HDAC7: variants seen among roughly 807,000 people sequenced by gnomAD.
The protein encoded by HDAC7 is histone deacetylase 7.
A neutral mutation model predicts 115.5 loss-of-function variants in HDAC7; 26 were observed. That is an observed-to-expected ratio of 0.23 (90% confidence interval 0.16 to 0.31). HDAC7 has a LOEUF of 0.31. HDAC7 is among the 10% of genes least tolerant of loss of function. The pLI, the probability that HDAC7 is intolerant of heterozygous loss-of-function variation, is 1.00. For missense variants in HDAC7, 1,068 were observed against 1,329.0 expected (o/e 0.80, Z 3.05); for synonymous variants, 564 against 550.9 (o/e 1.02, Z -0.33).
At chr12:47,811,676 C>T (rs1217855784) in intron 1 of HDAC7, among the ~76,000 whole-genome samples, 3 of 152,226 alleles carry the variant, frequency 2.0e-5, no homozygotes, top group African/African-American at 4.8e-5. Context: ...AGCATATATA[C>T]GTACATAGAC....
At chr12:47,801,069 T>C (rs1944142782) in intron 2 of HDAC7, among the ~76,000 whole-genome samples, 1 of 152,176 alleles carries the variant, frequency 6.6e-6, no homozygotes, top group African/African-American at 2.4e-5. Flanking sequence ...CATCCCTACA[T>C]TCTACTTTTC....
Position 47,799,071 on chromosome 12 carries a change from A to C in HDAC7, c.71-99T>G, listed in dbSNP as rs528699495. The C allele has an allele frequency of 1.0e-3, 823 of 805,910 alleles. 15 individuals carry two copies. In the South Asian group the frequency reaches 0.016, roughly 16 times the overall value. 49.9% of individuals were successfully genotyped at this position (805,910 alleles called of 1,614,324 possible). A position where few individuals can be genotyped will look rare whatever the true frequency, so the allele number is the denominator to read the frequency against. ...TCAGCCTCCCTCAGGCTCACTTGAC[A>C]ATGGCAAAACACTCTCATGGGGGTT... On this transcript the variant is annotated intron_variant, in intron 2 of 25. Transcript: ENST00000080059.
chr12:47,814,025 G>A (rs1025154441), intron 1 of HDAC7, among the ~76,000 whole-genome samples: 7 of 152,224 alleles, frequency 4.6e-5, no homozygotes, highest in African/African-American at 1.7e-4. Context: ...GGGGTGAAGC[G>A]TAGAGCTGCA....
Position 47,797,063 on chromosome 12 carries a change from C to A in HDAC7, c.657G>T (p.Glu219Asp). 1 of 1,604,436 alleles carries A rather than the reference C, an allele frequency of 6.2e-7. No individual in the cohort carries two copies. The highest frequency in any genetic ancestry group is 8.5e-7 in the Non-Finnish European group (1 of 1,175,876). The change falls in exon 7 of 26, where the codon GAG (glutamate) becomes GAT (aspartate). Residue 219 changes from glutamate to aspartate, a missense_variant. Coordinates refer to ENST00000080059, the MANE Select transcript of HDAC7 (RefSeq NM_015401.5). The surrounding 1 kb of genome is among the most constrained non-coding windows in gnomAD (Gnocchi z 5.5). ...GCCGCCGGAGGCTGGGGGGCGCACT[C>A]TCCTTTCGGAGCAGTGGATTCTTCC... Reference protein sequence around the residue: ...ERRKNPLLRKESAPPSLRRRP... With the variant: ...ERRKNPLLRKDSAPPSLRRRP...
chr12:47,792,086 C>T lies in HDAC7; in HGVS notation c.1679-82G>A, dbSNP rs1423709227. 3 of 1,465,902 alleles carry T rather than the reference C, an allele frequency of 2.0e-6. No homozygotes were observed. The East Asian group carries it at 7.3e-5, about 36-fold the overall frequency. The allele number at this position is 1,465,902 out of a possible 1,614,324, so 90.8% of individuals were successfully genotyped here. A position where few individuals can be genotyped will look rare whatever the true frequency, so the allele number is the denominator to read the frequency against. Reference sequence around the variant, plus strand: ...GGCTGCAGAGAACACGCCAGCACCGCCACAGCAGGCACCCACATGGAGCCG... The same window carrying T: ...GGCTGCAGAGAACACGCCAGCACCGTCACAGCAGGCACCCACATGGAGCCG... On this transcript the variant is annotated intron_variant, in intron 13 of 25. Coordinates refer to ENST00000080059, the MANE Select transcript of HDAC7 (RefSeq NM_015401.5).
chr12:47,802,274 T>C lies in HDAC7; in HGVS notation c.20A>G (p.Asp7Gly). The C allele has an allele frequency of 3.1e-6, 5 of 1,613,850 alleles. No individual in the cohort carries two copies. The highest frequency in any genetic ancestry group is 4.2e-6 in the Non-Finnish European group (5 of 1,179,886). The change falls in exon 2 of 26, where the codon GAT becomes GGT. Residue 7 changes from aspartate (D) to glycine (G), a missense_variant and splice_region_variant. Physicochemically the swap from Asp to Gly is moderately conservative, Grantham distance 94. Around this residue, in one of 6 missense-constraint regions of HDAC7, gnomAD observed 161 missense variants for 158.5 expected, o/e 1.02. Coordinates refer to ENST00000080059, the MANE Select transcript of HDAC7 (RefSeq NM_015401.5). ...GGCACCCGGGCTCACCTGGGTCCCA[T>C]CTGTAGAGAGAGAGACGGAGTGAAA... Reference protein sequence around the residue: MHSPGADGTQVSPGAHY... With the variant: MHSPGAGGTQVSPGAHY...
intron 2 of HDAC7, chr12:47,799,217 G>C: frequency 2.3e-6 from 1 of 443,720 alleles, no homozygotes; most frequent in Non-Finnish European, 3.9e-6. Flanking sequence ...GTGTTTGAAC[G>C]GAGTCTTCCG....
intron 1 of HDAC7, among the ~76,000 whole-genome samples, chr12:47,810,970 C>T (rs535139702): frequency 9.2e-5 from 14 of 152,112 alleles, no homozygotes; most frequent in Non-Finnish European, 1.3e-4. Context: ...GGAACACAGC[C>T]GCACGGCTAT....
At chr12:47,791,816 C>CCCCCCCAAAAA in intron 14 of HDAC7, 55 bp downstream of exon 14, 1 of 1,570,232 alleles carries the variant, frequency 6.4e-7, no homozygotes, top group Non-Finnish European at 8.7e-7. Flanking sequence ...CCACCCCTCC[C>CCCCCCCAAAAA]CTCCCATGAC....
chr12:47,785,257 G>T, intron 24 of HDAC7, 130 bp downstream of exon 24: 1 of 750,974 alleles, frequency 1.3e-6, no homozygotes, highest in Non-Finnish European at 2.2e-6. Flanking sequence ...TCACTCACAG[G>T]AATCTTACTC....
In HDAC7 at chr12:47,792,030, G is replaced by T. The variant is rs776412236; in HGVS notation, c.1679-26C>A. 9 of 1,581,676 alleles carry T rather than the reference G, an allele frequency of 5.7e-6. No individual in the cohort carries two copies. The East Asian group carries it at 6.8e-5, about 12-fold the overall frequency. ...CTGCAGGAGCAAGGGTCAGAGCGGG[G>T]ACCCAGGGAGTCCTCACGCCCCATG... is the stretch of plus-strand genomic sequence containing the variant. On this transcript the variant is annotated intron_variant, in intron 13 of 25. Coordinates refer to ENST00000080059, the MANE Select transcript of HDAC7 (RefSeq NM_015401.5).
intron 1 of HDAC7, among the ~76,000 whole-genome samples, chr12:47,807,961 C>T (rs1301424676): frequency 6.6e-6 from 1 of 152,210 alleles, no homozygotes; most frequent in East Asian, 1.9e-4. Context: ...CAAGCTGCAC[C>T]ATTTCTCTGT....
Position 47,791,854 on chromosome 12 carries a change from C to T in HDAC7, c.1812+17G>A. 6.2e-7 allele frequency: 1 copy of T among 1,609,488 alleles called. No homozygotes were observed. Among genetic ancestry groups the T allele is most frequent in the East Asian group, 2.2e-5 (1 of 44,724 alleles). ...CTCCCTCCACCCATTCCTCGGGCCC[C>T]ACCCGCGCCTCCTCACCTCACACTG... On this transcript the variant is annotated intron_variant, in intron 14 of 25. Transcript: ENST00000080059.
chr12:47,800,699 G>T lies in HDAC7; in HGVS notation c.70+1525C>A, dbSNP rs530468051. ...TTCCCGGGGTGACTCCCCTGATTAT[G>T]CAAGAGGGGCTTGGGGGAACCAAGG... On this transcript the variant is annotated intron_variant, in intron 2 of 25. Coordinates refer to ENST00000080059, the MANE Select transcript of HDAC7 (RefSeq NM_015401.5). Among the ~76,000 whole-genome samples the T allele has an allele frequency of 3.3e-5, 5 of 152,312 alleles. No individual in the cohort carries two copies. The South Asian group carries it at 8.3e-4, about 25-fold the overall frequency.
At chr12:47,817,716 C>T (rs1160432009) in intron 1 of HDAC7, 1 of 152,262 alleles carries the variant, frequency 6.6e-6, no homozygotes, top group Non-Finnish European at 1.5e-5. Flanking sequence ...TCTCTCAGGC[C>T]CCTGCCGACT....
At position 47,783,387 on chromosome 12, in the gene HDAC7, C is replaced by A. The variant is rs757342; in HGVS notation, c.*454G>T. 2.7e-5 allele frequency: 5 copies of A among 188,232 alleles called. No individual in the cohort carries two copies. The highest frequency in any genetic ancestry group is 1.3e-4 in the East Asian group (1 of 7,674). The allele number at this position is 188,232 out of a possible 1,614,324, so 11.7% of individuals were successfully genotyped here. ...GGGACCTCTTGGCTCCCCACTCCCC[C>A]CTAGCCCCTAGAGCCTAGGAAGGGC... On this transcript the variant is annotated 3_prime_UTR_variant, in exon 26 of 26. Transcript: ENST00000080059.
chr12:47,797,855 G>GGTGTAT lies in HDAC7; in HGVS notation c.461+252_461+253insATACAC, dbSNP rs1555141390. 8.1e-6 allele frequency among the ~76,000 whole-genome samples: 1 copy of GGTGTAT among 123,876 alleles called. No homozygotes were observed. Among genetic ancestry groups the GGTGTAT allele is most frequent in the Admixed American group, 8.0e-5 (1 of 12,438 alleles). The allele number at this position is 123,876 out of a possible 152,430, so 81.3% of individuals were successfully genotyped here. A position where few individuals can be genotyped will look rare whatever the true frequency, so the allele number is the denominator to read the frequency against. On this transcript the variant is annotated intron_variant, in intron 5 of 25. Coordinates refer to ENST00000080059, the MANE Select transcript of HDAC7 (RefSeq NM_015401.5). This position sits in a 1 kb window ranked among gnomAD's most constrained non-coding sequence, Gnocchi z 5.5. The stretch of plus-strand genomic sequence containing the variant: ...TCATGTGCAAGAAAAAAGCCAGTAG[G>GGTGTAT]GTGTGTGTGTGTGTGTGTGTGTGTG...
chr12:47,819,946 C>A (rs551077050), upstream of HDAC7: 1 of 129,854 alleles, frequency 7.7e-6, no homozygotes, highest in African/African-American at 2.9e-5. Context: ...CCCGGCCGGC[C>A]GGGTAGGATG....
intron 1 of HDAC7, among the ~76,000 whole-genome samples, chr12:47,811,266 G>A (rs980581955): frequency 4.6e-5 from 7 of 152,182 alleles, no homozygotes; most frequent in African/African-American, 1.7e-4. Context: ...CCCTTTTGCA[G>A]CCAGGCTGCC....
Sources: allele counts gnomAD v4.1 joint callset (sites outside exome capture counted in the v4.1 genomes callset), GRCh38; gene constraint gnomAD v4.1.1; regional missense constraint gnomAD v4.1.1; non-coding constraint Gnocchi (gnomAD v3.1); transcripts MANE v1.5; gene names NCBI Gene and HGNC (gene_info 2026-07-23, HGNC 2026-07-21).